C5orf24: variants seen among roughly 807,000 people sequenced by gnomAD.
C5orf24 encodes the protein UPF0461 protein C5orf24.
A neutral mutation model predicts 9.8 loss-of-function variants in C5orf24; 4 were observed. The observed-to-expected ratio is 0.41, with a 90% CI of 0.20 to 0.93. The LOEUF (loss-of-function observed/expected upper bound fraction) is 0.93, where lower values mean the gene tolerates loss of function less well. C5orf24 is among the 40% of genes least tolerant of loss of function. The probability of loss-of-function intolerance (pLI) is 0.33; values close to 1 mark genes in which losing one functional copy is unlikely to be tolerated. For missense variants in C5orf24, 170 were observed against 236.9 expected (o/e 0.72, Z 1.85); for synonymous variants, 73 against 81.3 (o/e 0.90, Z 0.55).
At chr5:134,842,107 TTTC>T (rs1755901962), upstream of C5orf24, among the ~76,000 whole-genome samples, 2 of 152,208 alleles carry the variant, frequency 1.3e-5, no homozygotes, top group South Asian at 4.1e-4. Context: ...TTGGTCACTA[TTTC>T]TCTCATAGTG....
rs1290388670 is a variant in C5orf24 at position 134,857,541 on chromosome 5, A to T, written c.*2074A>T. 9.5e-7 allele frequency: 1 copy of T among 1,057,736 alleles called. No individual in the cohort carries two copies. The highest frequency in any genetic ancestry group is 1.6e-5 in the African/African-American group (1 of 60,816). The allele number at this position is 1,057,736 out of a possible 1,614,324, so 65.5% of individuals were successfully genotyped here. A position where few individuals can be genotyped will look rare whatever the true frequency, so the allele number is the denominator to read the frequency against. On this transcript the variant is annotated 3_prime_UTR_variant, in exon 2 of 2. Transcript: ENST00000394976. Reference sequence around the variant, plus strand: ...ATAGAGAACGATGTTGGATGGTTACATAATCAGTTATAACATTCTGGCAGC... The same window carrying T: ...ATAGAGAACGATGTTGGATGGTTACTTAATCAGTTATAACATTCTGGCAGC...
upstream of C5orf24, among the ~76,000 whole-genome samples, chr5:134,842,380 CT>C (rs1363190590): frequency 6.6e-5 from 10 of 151,992 alleles, no homozygotes; most frequent in African/African-American, 1.7e-4. Flanking sequence ...GTCCCAGCTA[CT>C]CAGGAGGCTG....
At chr5:134,840,621 C>T in the C5orf24 span, among the ~76,000 whole-genome samples, 17 of 152,166 alleles carry the variant, frequency 1.1e-4, no homozygotes, top group African/African-American at 3.9e-4. Flanking sequence ...GCAGCCTCAA[C>T]CTCATGGGCT....
Position 134,856,103 on chromosome 5 carries a change from C to T in C5orf24, c.*636C>T, listed in dbSNP as rs575102520. The T allele has an allele frequency of 1.0e-6, 1 of 1,000,454 alleles. No individual in the cohort carries two copies. Among genetic ancestry groups the T allele is most frequent in the East Asian group, 1.1e-4 (1 of 8,824 alleles). The allele number at this position is 1,000,454 out of a possible 1,614,324, so 62.0% of individuals were successfully genotyped here. On this transcript the variant is annotated 3_prime_UTR_variant, in exon 2 of 2. Transcript: ENST00000394976. ...CCTGAAATAATTCTTCAGTGTTTGC[C>T]TTTGAGCAGTGATAGGTTGTGTATT...
chr5:134,856,385 A>C lies in C5orf24; in HGVS notation c.*918A>C. 2.2e-6 allele frequency: 2 copies of C among 916,082 alleles called. No individual in the cohort carries two copies. The highest frequency in any genetic ancestry group is 2.7e-6 in the Non-Finnish European group (2 of 753,592). The allele number at this position is 916,082 out of a possible 1,614,324, so 56.7% of individuals were successfully genotyped here. ...ATTTATTGGCTGGGTGTGGTGGCTC[A>C]CACCCAGCACTTTGGGAGGCCGAGG... On this transcript the variant is annotated 3_prime_UTR_variant, in exon 2 of 2. Transcript: ENST00000394976.
chr5:134,844,634 G>T (rs998467020), upstream of C5orf24, among the ~76,000 whole-genome samples: 3 of 151,988 alleles, frequency 2.0e-5, no homozygotes, highest in African/African-American at 7.2e-5. Context: ...CCACCTAGTT[G>T]GAATGATGTT....
At chr5:134,851,954 T>G (rs1316611179) in intron 1 of C5orf24, among the ~76,000 whole-genome samples, 5 of 152,250 alleles carry the variant, frequency 3.3e-5, no homozygotes, top group African/African-American at 1.2e-4. Flanking sequence ...TAGTCCTTTT[T>G]GTTTTGAGAC....
chr5:134,847,781 A>G (rs1580838403), intron 1 of C5orf24, among the ~76,000 whole-genome samples: 2 of 149,398 alleles, frequency 1.3e-5, no homozygotes, highest in African/African-American at 4.9e-5. Context: ...GCTCACTGCA[A>G]CCTCCGCCTT....
chr5:134,857,182 C>A lies in C5orf24; in HGVS notation c.*1715C>A. The stretch of plus-strand genomic sequence containing the variant: ...AAAATTCCACTTAACTTTAAAGTTA[C>A]AATGTTTGTATTTGGGATTTTAAAT... On this transcript the variant is annotated 3_prime_UTR_variant, in exon 2 of 2. Transcript: ENST00000394976. The A allele has an allele frequency of 5.5e-6, 7 of 1,272,846 alleles. No homozygotes were observed. Among genetic ancestry groups the A allele is most frequent in the Non-Finnish European group, 6.0e-6 (6 of 996,674 alleles). The allele number at this position is 1,272,846 out of a possible 1,614,324, so 78.8% of individuals were successfully genotyped here. A position where few individuals can be genotyped will look rare whatever the true frequency, so the allele number is the denominator to read the frequency against.
chr5:134,842,332 A>G (rs1755906571), upstream of C5orf24, among the ~76,000 whole-genome samples: 1 of 152,014 alleles, frequency 6.6e-6, no homozygotes, highest in Non-Finnish European at 1.5e-5. Context: ...CCTACTAAAA[A>G]TACAAAAATT....
chr5:134,842,979 C>T (rs1345201208), upstream of C5orf24, among the ~76,000 whole-genome samples: 3 of 151,778 alleles, frequency 2.0e-5, no homozygotes, highest in African/African-American at 7.3e-5. Flanking sequence ...AATATTTGTC[C>T]CCATAATTTT....
chr5:134,840,305 C>CAA, the C5orf24 span, among the ~76,000 whole-genome samples: 12,313 of 52,732 alleles, frequency 0.23, 1,135 homozygotes, highest in East Asian at 0.4. Context: ...GACTGCATCT[C>CAA]AAAAAAAAAA....
upstream of C5orf24, among the ~76,000 whole-genome samples, chr5:134,843,818 G>T (rs1288926182): frequency 6.6e-6 from 1 of 152,222 alleles, no homozygotes; most frequent in Admixed American, 6.5e-5. Flanking sequence ...GCCTCCCAAA[G>T]TGCTGGGATT....
At position 134,845,970 on chromosome 5, in the gene C5orf24, C is replaced by T. The variant is rs925551184; in HGVS notation, c.-246C>T. ...GCGAGCTCGCGCACGCCGCCTCTAA[C>T]ACTACAGGGTGGTAGCGGCCTCTTC... On this transcript the variant is annotated 5_prime_UTR_variant, in exon 1 of 2. Transcript: ENST00000394976. 1.3e-5 allele frequency: 2 copies of T among 152,266 alleles called. No individual in the cohort carries two copies. Among genetic ancestry groups the T allele is most frequent in the Non-Finnish European group, 2.9e-5 (2 of 68,082 alleles). 9.4% of individuals were successfully genotyped at this position (152,266 alleles called of 1,614,324 possible). A position where few individuals can be genotyped will look rare whatever the true frequency, so the allele number is the denominator to read the frequency against.
chr5:134,840,104 CGAGACCATCCTGGCCGAAATGGTGAAA>C, the C5orf24 span, among the ~76,000 whole-genome samples: 1 of 151,996 alleles, frequency 6.6e-6, no homozygotes, highest in African/African-American at 2.4e-5. Flanking sequence ...GTCAGGAGAT[CGAGACCATCCTGGCCGAAATGGTGAAA>C]CTCCATCTCT....
At position 134,857,432 on chromosome 5, in the gene C5orf24, G is replaced by A. The variant is rs1394360766; in HGVS notation, c.*1965G>A. 2.6e-6 allele frequency: 4 copies of A among 1,542,088 alleles called. No homozygotes were observed. The highest frequency in any genetic ancestry group is 2.0e-5 in the Admixed American group (1 of 50,482). ...GCTGGACTTTATGCTGCTCTTTACAGTAAGAGGTGTTGCATTGTATGTGGG... is the reference window on the plus strand; with the variant it reads ...GCTGGACTTTATGCTGCTCTTTACAATAAGAGGTGTTGCATTGTATGTGGG... On this transcript the variant is annotated 3_prime_UTR_variant, in exon 2 of 2. Coordinates refer to ENST00000394976, the MANE Select transcript of C5orf24 (RefSeq NM_001135586.1).
chr5:134,845,466 T>C (rs185186180), upstream of C5orf24, among the ~76,000 whole-genome samples: 7 of 152,312 alleles, frequency 4.6e-5, no homozygotes, highest in East Asian at 1.3e-3. Context: ...ATGTCAGATA[T>C]CTCACAAGAA....
chr5:134,850,969 A>G (rs1236986030), intron 1 of C5orf24, among the ~76,000 whole-genome samples: 1 of 149,904 alleles, frequency 6.7e-6, no homozygotes, highest in Non-Finnish European at 1.5e-5. Flanking sequence ...ACACACATAC[A>G]TATTTTATAC....
At chr5:134,845,660 C>T (rs1580836305), upstream of C5orf24, 1 of 152,358 alleles carries the variant, frequency 6.6e-6, no homozygotes, top group Non-Finnish European at 1.5e-5. Flanking sequence ...CCCTGACTAT[C>T]ATTTATTTGT....
Sources: allele counts gnomAD v4.1 joint callset (sites outside exome capture counted in the v4.1 genomes callset), GRCh38; gene constraint gnomAD v4.1.1; transcripts MANE v1.5; gene names NCBI Gene and HGNC (gene_info 2026-07-23, HGNC 2026-07-21).